Variants in THBS1 observed in about 807,000 individuals in gnomAD.
The protein encoded by THBS1 is thrombospondin-1.
In THBS1, 29 loss-of-function variants were observed where a neutral mutation model predicts 126.1. That is an observed-to-expected ratio of 0.23 (90% CI 0.17 to 0.31). THBS1 has a LOEUF of 0.31. Among genes scored for constraint, THBS1 ranks in the 10% least tolerant of loss-of-function variants. The pLI, the probability that THBS1 is intolerant of heterozygous loss-of-function variation, is 1.00. For missense variants in THBS1, 1,198 were observed against 1,545.2 expected (o/e 0.78, Z 3.77); for synonymous variants, 496 against 577.8 (o/e 0.86, Z 2.03).
In THBS1 at chr15:39,587,461, G is replaced by A. The variant is rs545451178; in HGVS notation, c.1235G>A (p.Arg412Gln). 9.6e-5 allele frequency: 155 copies of A among 1,613,808 alleles called. 3 individuals are homozygous for A. The South Asian group carries it at 1.4e-3, about 15-fold the overall frequency. The part of the protein sequence containing the change: ...RGRSCDSLNN[R>Q]CEGSSVQTRT... ...CGCTCCTGCGATAGCCTCAACAACCGATGTGAGGGCTCCTCGGTCCAGACA... is the reference window on the plus strand; with the variant it reads ...CGCTCCTGCGATAGCCTCAACAACCAATGTGAGGGCTCCTCGGTCCAGACA... The change falls in exon 8 of 22, where the codon CGA becomes CAA. Residue 412 changes from arginine (R) to glutamine (Q), a missense_variant. By Grantham distance (43) the Arg-to-Gln change is conservative. Transcript: ENST00000260356.
chr15:39,588,568 C>G lies in THBS1; in HGVS notation c.1514C>G (p.Ser505Cys), dbSNP rs763131886. The change falls in exon 10 of 22, where the codon TCT becomes TGT. Residue 505 changes from serine (S) to cysteine (C), a missense_variant. By Grantham distance (112) the Ser-to-Cys change is moderately radical. This residue lies in a region of THBS1 where 663 missense variants were observed against 860.1 expected (regional missense o/e 0.77). Coordinates refer to ENST00000260356, the MANE Select transcript of THBS1 (RefSeq NM_003246.4). ...WGPWSPWDICSVTCGGGVQKR... is the reference protein window; with the variant it reads ...WGPWSPWDICCVTCGGGVQKR... The stretch of plus-strand genomic sequence containing the variant: ...CCTTGGTCACCATGGGACATCTGTT[C>G]TGTCACCTGTGGAGGAGGGGTACAG... 1 of 1,595,520 alleles carries G rather than the reference C, an allele frequency of 6.3e-7. No homozygotes were observed. The highest frequency in any genetic ancestry group is 2.2e-5 in the East Asian group (1 of 44,766).
In THBS1 at chr15:39,584,329, G is replaced by A. The variant is rs142771626; in HGVS notation, c.933G>A (p.Glu311=). The A allele has an allele frequency of 2.5e-5, 41 of 1,614,118 alleles. No individual in the cohort carries two copies. The highest frequency in any genetic ancestry group is 3.3e-5 in the Non-Finnish European group (39 of 1,180,052). ...VTEENKELAN[E]LRRPPLCYHN... is the part of the protein sequence containing the mutation. ...AAGAGAACAAAGAGTTGGCCAATGA[G>A]CTGAGGCGGCCTCCCCTATGCTATC... Residue 311 remains glutamate, a synonymous_variant, in exon 6 of 22, where the codon GAG becomes GAA. Coordinates refer to ENST00000260356, the MANE Select transcript of THBS1 (RefSeq NM_003246.4).
Position 39,598,703 on chromosome 15 carries a change from G to A in THBS1, c.*3334G>A, listed in dbSNP as rs987708996. On this transcript the variant is annotated 3_prime_UTR_variant, in exon 22 of 22. Transcript: ENST00000260356. ...TTAAAAATTAAAATTATGTCATCGA[G>A]ATGATAGCTTTTTTCCTCCTCCAAC... The A allele has an allele frequency of 3.9e-5, 6 of 152,158 alleles. No individual in the cohort carries two copies. Among genetic ancestry groups the A allele is most frequent in the African/African-American group, 1.2e-4 (5 of 41,444 alleles). 9.4% of individuals were successfully genotyped at this position (152,158 alleles called of 1,614,324 possible). A position where few individuals can be genotyped will look rare whatever the true frequency, so the allele number is the denominator to read the frequency against.
At chr15:39,591,927 T>C (rs576359869) in intron 16 of THBS1, among the ~76,000 whole-genome samples, 5 of 152,314 alleles carry the variant, frequency 3.3e-5, no homozygotes, top group African/African-American at 1.2e-4. Flanking sequence ...CAGACATCTG[T>C]GACTGACAAC....
chr15:39,584,610 T>C (rs1248599943), intron 6 of THBS1, among the ~76,000 whole-genome samples, 188 bp downstream of exon 6: 1 of 152,192 alleles, frequency 6.6e-6, no homozygotes, highest in East Asian at 1.9e-4. Flanking sequence ...AGATGGTTTA[T>C]CAAAGTATTA....
chr15:39,590,623 G>A lies in THBS1; in HGVS notation c.2253G>A (p.Arg751=). The A allele has an allele frequency of 6.2e-7, 1 of 1,612,108 alleles. No homozygotes were observed. The highest frequency in any genetic ancestry group is 8.5e-7 in the Non-Finnish European group (1 of 1,178,744). ...ACAATGATAAAATTCCAGATGACAG[G>A]GTAAAAACAGTTTTCTATCCCTTTT... ...DDDNDKIPDD[R]DNCPFHYNPA... is the part of the protein sequence containing the mutation. Residue 751 remains arginine (R), a splice_region_variant and synonymous_variant, in exon 14 of 22, where the codon AGG becomes AGA. Coordinates refer to ENST00000260356, the MANE Select transcript of THBS1 (RefSeq NM_003246.4).
At chr15:39,590,483 C>T in intron 13 of THBS1, 33 bp from the exon 14 acceptor site, 3 of 1,548,280 alleles carry the variant, frequency 1.9e-6, no homozygotes, top group Non-Finnish European at 1.8e-6. Flanking sequence ...AGGAAGGCAA[C>T]TGAAGCAGTG....
In THBS1 at chr15:39,593,753, AC is replaced by A; in HGVS notation, c.3267+87del. 1 of 1,530,264 alleles carries A rather than the reference AC, an allele frequency of 6.5e-7. No individual in the cohort carries two copies. The highest frequency in any genetic ancestry group is 8.8e-7 in the Non-Finnish European group (1 of 1,136,442). The allele number at this position is 1,530,264 out of a possible 1,614,324, so 94.8% of individuals were successfully genotyped here. On this transcript the variant is annotated intron_variant, in intron 19 of 21. Coordinates refer to ENST00000260356, the MANE Select transcript of THBS1 (RefSeq NM_003246.4). This position sits in a 1 kb window ranked among gnomAD's most constrained non-coding sequence, Gnocchi z 5.9. ...ATGCTGTGCTTTGACCAAGACTCTG[AC>A]CAGGGAGTCTTAGAAAGTTCCCAGC...
chr15:39,590,057 AG>A, intron 13 of THBS1, 34 bp downstream of exon 13: 2 of 1,518,568 alleles, frequency 1.3e-6, no homozygotes, highest in Non-Finnish European at 1.8e-6. Context: ...CTCCAGAAAG[AG>A]GGCCCATCAC....
Position 39,596,510 on chromosome 15 carries a change from G to A in THBS1, c.*1141G>A, listed in dbSNP as rs1266882021. ...TCGTGACTGTAAGATTGTAAATACAGATTATTTATTAACTCTGTTCTGCCT... is the reference window on the plus strand; with the variant it reads ...TCGTGACTGTAAGATTGTAAATACAAATTATTTATTAACTCTGTTCTGCCT... On this transcript the variant is annotated 3_prime_UTR_variant, in exon 22 of 22. Coordinates refer to ENST00000260356, the MANE Select transcript of THBS1 (RefSeq NM_003246.4). 1 of 152,238 alleles carries A rather than the reference G, an allele frequency of 6.6e-6. No homozygotes were observed. The highest frequency in any genetic ancestry group is 1.5e-5 in the Non-Finnish European group (1 of 68,086). The allele number at this position is 152,238 out of a possible 1,614,324, so 9.4% of individuals were successfully genotyped here.
rs1436303075 is a variant in THBS1 at position 39,588,164 on chromosome 15, C to T, written c.1417C>T (p.Pro473Ser). The T allele has an allele frequency of 4.3e-6, 7 of 1,614,184 alleles. No homozygotes were observed. The highest frequency in any genetic ancestry group is 5.9e-6 in the Non-Finnish European group (7 of 1,180,040). Reference protein sequence around the residue: ...NSPSPQMNGKPCEGEARETKA... With the variant: ...NSPSPQMNGKSCEGEARETKA... The stretch of plus-strand genomic sequence containing the variant: ...TCCCAGCCCCCAGATGAACGGGAAA[C>T]CCTGTGAAGGCGAAGCGCGGGAGAC... The change falls in exon 9 of 22, where the codon CCC (proline) becomes TCC (serine). Residue 473 changes from proline (P) to serine (S), a missense_variant. Physicochemically the swap from Pro to Ser is moderately conservative, Grantham distance 74. Around this residue, in one of 4 missense-constraint regions of THBS1, gnomAD observed 663 missense variants for 860.1 expected, o/e 0.77. Transcript: ENST00000260356.
rs1219193515 is a variant in THBS1 at position 39,595,656 on chromosome 15, C to T, written c.*287C>T. 8 of 585,274 alleles carry T rather than the reference C, an allele frequency of 1.4e-5. No homozygotes were observed. The highest frequency in any genetic ancestry group is 1.1e-4 in the South Asian group (7 of 65,544). The allele number at this position is 585,274 out of a possible 1,614,324, so 36.3% of individuals were successfully genotyped here. On this transcript the variant is annotated 3_prime_UTR_variant, in exon 22 of 22. Transcript: ENST00000260356. ...TCTACTTGCTTCAGTTGGGAAGGTGCCCATTCCACTCTGCCTTTGTCACAG... is the reference window on the plus strand; with the variant it reads ...TCTACTTGCTTCAGTTGGGAAGGTGTCCATTCCACTCTGCCTTTGTCACAG...
Position 39,592,077 on chromosome 15 carries a change from A to T in THBS1, c.2532+454A>T, listed in dbSNP as rs1223394591. ...CTAAGGATACATCCAAAACCAAAGT[A>T]ATTTATCCCTGTCATAAACATTACC... On this transcript the variant is annotated intron_variant, in intron 16 of 21. Transcript: ENST00000260356. The surrounding 1 kb of genome is among the most constrained non-coding windows in gnomAD (Gnocchi z 4.3). 6.6e-6 allele frequency among the ~76,000 whole-genome samples: 1 copy of T among 152,228 alleles called. No individual in the cohort carries two copies. The highest frequency in any genetic ancestry group is 1.9e-4 in the East Asian group (1 of 5,206).
rs749836259 is a variant in THBS1, at chr15:39,587,470, G to A, written c.1244G>A (p.Gly415Asp). The A allele has an allele frequency of 1.2e-6, 2 of 1,613,432 alleles. No individual in the cohort carries two copies. The highest frequency in any genetic ancestry group is 2.7e-5 in the African/African-American group (2 of 74,930). Residue 415 changes from glycine (G) to aspartate (D), a missense_variant, in exon 8 of 22, where the codon GGC (glycine) becomes GAC (aspartate). Gly to Asp is a moderately conservative substitution (Grantham distance 94, BLOSUM62 -1). Around this residue, in one of 4 missense-constraint regions of THBS1, gnomAD observed 663 missense variants for 860.1 expected, o/e 0.77. Coordinates refer to ENST00000260356, the MANE Select transcript of THBS1 (RefSeq NM_003246.4). Reference protein sequence around the residue: ...SCDSLNNRCEGSSVQTRTCHI... With the variant: ...SCDSLNNRCEDSSVQTRTCHI... ...GATAGCCTCAACAACCGATGTGAGG[G>A]CTCCTCGGTCCAGACACGGACCTGC...
At position 39,584,138 on chromosome 15, in the gene THBS1, G is replaced by C. The variant is rs1890164655; in HGVS notation, c.854G>C (p.Arg285Thr). Residue 285 changes from arginine (R) to threonine (T), a missense_variant, in exon 5 of 22, where the codon AGG becomes ACG. Coordinates refer to ENST00000260356, the MANE Select transcript of THBS1 (RefSeq NM_003246.4). ...CTGTCCAGCATGGTCCTGGAACTCA[G>C]GGGCCTGCGCACCATTGTGACCACG... ...DELSSMVLEL[R>T]GLRTIVTTLQ... 2.5e-6 allele frequency: 4 copies of C among 1,614,204 alleles called. No homozygotes were observed. The African/African-American group carries it at 5.3e-5, about 22-fold the overall frequency.
At position 39,582,557 on chromosome 15, in the gene THBS1, A is replaced by C. The variant is rs1373409370; in HGVS notation, c.432A>C (p.Glu144Asp). The change falls in exon 3 of 22, where the codon GAA (glutamate) becomes GAC (aspartate). Residue 144 changes from glutamate to aspartate, a missense_variant. Transcript: ENST00000260356. Reference sequence around the variant, plus strand: ...GAAAGCAGCACGTGGTGTCTGTGGAAGAAGCTCTCCTGGCAACCGGCCAGT... The same window carrying C: ...GAAAGCAGCACGTGGTGTCTGTGGACGAAGCTCTCCTGGCAACCGGCCAGT... ...VQGKQHVVSVEEALLATGQWK... is the reference protein window; with the variant it reads ...VQGKQHVVSVDEALLATGQWK... 16 of 1,614,056 alleles carry C rather than the reference A, an allele frequency of 9.9e-6. No individual in the cohort carries two copies. Among genetic ancestry groups the C allele is most frequent in the Non-Finnish European group, 1.4e-5 (16 of 1,180,034 alleles).
At chr15:39,595,274 C>A in intron 21 of THBS1, 88 bp from the exon 22 acceptor site, 1 of 859,848 alleles carries the variant, frequency 1.2e-6, no homozygotes, top group Non-Finnish European at 1.7e-6. Context: ...AGAGCTATTC[C>A]TATGTGGTTA....
chr15:39,587,405 G>C lies in THBS1; in HGVS notation c.1179G>C (p.Thr393=). The part of the protein sequence containing the change: ...SPWSEWTSCS[T]SCGNGIQQRG... ...GGTCCGAGTGGACCTCCTGTTCTACGAGCTGTGGCAATGGAATTCAGCAGC... is the reference window on the plus strand; with the variant it reads ...GGTCCGAGTGGACCTCCTGTTCTACCAGCTGTGGCAATGGAATTCAGCAGC... Residue 393 remains threonine (T), a synonymous_variant, in exon 8 of 22, where the codon ACG becomes ACC. Coordinates refer to ENST00000260356, the MANE Select transcript of THBS1 (RefSeq NM_003246.4). 1.9e-6 allele frequency: 3 copies of C among 1,613,932 alleles called. No individual in the cohort carries two copies. The highest frequency in any genetic ancestry group is 2.5e-6 in the Non-Finnish European group (3 of 1,180,018).
In THBS1 at chr15:39,594,597, C is replaced by T. The variant is rs1359805147; in HGVS notation, c.3505+157C>T. Among the ~76,000 whole-genome samples, 4 of 152,184 alleles carry T rather than the reference C, an allele frequency of 2.6e-5. No homozygotes were observed. The highest frequency in any genetic ancestry group is 9.7e-5 in the African/African-American group (4 of 41,444). ...ACACAAGGACAAAAATGGAATAATG[C>T]CTAGGCACTGTGGCTTATGAGTTCC... is the stretch of plus-strand genomic sequence containing the variant. On this transcript the variant is annotated intron_variant, in intron 21 of 21. Coordinates refer to ENST00000260356, the MANE Select transcript of THBS1 (RefSeq NM_003246.4). This position sits in a 1 kb window ranked among gnomAD's most constrained non-coding sequence, Gnocchi z 4.4.
Sources: allele counts gnomAD v4.1 joint callset (sites outside exome capture counted in the v4.1 genomes callset), GRCh38; gene constraint gnomAD v4.1.1; regional missense constraint gnomAD v4.1.1; non-coding constraint Gnocchi (gnomAD v3.1); transcripts MANE v1.5; gene names NCBI Gene and HGNC (gene_info 2026-07-23, HGNC 2026-07-21).